Variants in CNTNAP4 observed in about 807,000 individuals in gnomAD.
CNTNAP4 encodes contactin-associated protein-like 4.
CNTNAP4 carries 98 observed loss-of-function variants against 148.4 expected under a neutral mutation model. The observed-to-expected ratio is 0.66, with a 90% CI of 0.56 to 0.78. The LOEUF (loss-of-function observed/expected upper bound fraction) is 0.78. CNTNAP4 is among the 30% of genes least tolerant of loss of function. The pLI, the probability that CNTNAP4 is intolerant of heterozygous loss-of-function variation, is 0.00. For synonymous variants in CNTNAP4, 730 were observed against 565.1 expected (o/e 1.29, Z -4.14); for missense variants, 1,935 against 1,565.6 (o/e 1.24, Z -3.98).
intron 1 of CNTNAP4, among the ~76,000 whole-genome samples, chr16:76,312,827 A>G (rs1961283016): frequency 6.6e-6 from 1 of 152,196 alleles, no homozygotes; most frequent in South Asian, 2.1e-4. Context: ...TTAATATATC[A>G]ACAAGGAGGG....
chr16:76,531,237 T>C (rs2083972594), intron 17 of CNTNAP4, among the ~76,000 whole-genome samples: 1 of 152,204 alleles, frequency 6.6e-6, no homozygotes, highest in Non-Finnish European at 1.5e-5. Context: ...ATTTAAAGTG[T>C]AATCTCAAAG....
chr16:76,544,004 A>T (rs148122838), intron 21 of CNTNAP4, among the ~76,000 whole-genome samples: 2 of 152,194 alleles, frequency 1.3e-5, no homozygotes, highest in Non-Finnish European at 2.9e-5. Context: ...TAGACGTTAC[A>T]TCTGCCCTTA....
intron 3 of CNTNAP4, among the ~76,000 whole-genome samples, chr16:76,389,693 G>A (rs1381499388): frequency 6.6e-6 from 1 of 151,948 alleles, no homozygotes; most frequent in East Asian, 1.9e-4. Context: ...AACTCCCGGT[G>A]CTGAATTCCT....
chr16:76,419,677 T>C (rs549380395), intron 3 of CNTNAP4, among the ~76,000 whole-genome samples: 6 of 152,178 alleles, frequency 3.9e-5, no homozygotes, highest in Admixed American at 2.6e-4. Flanking sequence ...GTGTCATGTG[T>C]ACTAGCTTGT....
intron 17 of CNTNAP4, among the ~76,000 whole-genome samples, chr16:76,525,014 G>T (rs2083655863): frequency 6.6e-6 from 1 of 151,914 alleles, no homozygotes; most frequent in Non-Finnish European, 1.5e-5. Flanking sequence ...GAAAATTACT[G>T]GCTGTCAAAA....
intron 20 of CNTNAP4, 92 bp downstream of exon 20, chr16:76,539,944 A>G (rs962798670): frequency 3.4e-6 from 3 of 893,542 alleles, no homozygotes; most frequent in Non-Finnish European, 5.0e-6. Context: ...CACAATAAGC[A>G]GAGACACTTT....
intron 15 of CNTNAP4, among the ~76,000 whole-genome samples, chr16:76,506,783 T>A (rs1053796457): frequency 4.2e-5 from 4 of 95,602 alleles, no homozygotes; most frequent in African/African-American, 1.0e-4. Flanking sequence ...GTATGAGAAT[T>A]GCTAACAGGC....
chr16:76,501,105 T>C (rs1269504123), intron 15 of CNTNAP4, among the ~76,000 whole-genome samples: 2 of 152,226 alleles, frequency 1.3e-5, no homozygotes, highest in African/African-American at 4.8e-5. Context: ...AAATACTGTT[T>C]ACCATTATAC....
chr16:76,289,851 A>T (rs1285751694), intron 1 of CNTNAP4, among the ~76,000 whole-genome samples: 1 of 152,136 alleles, frequency 6.6e-6, no homozygotes, highest in Admixed American at 6.6e-5. Flanking sequence ...GATTACAGGC[A>T]TGAACCACCG....
rs765839299 is a variant in CNTNAP4, at chr16:76,522,205, C to G, written c.2703C>G (p.Pro901=). The change falls in exon 17 of 24, where the codon CCC becomes CCG. Residue 901 remains proline (P), a synonymous_variant. Coordinates refer to ENST00000611870, the MANE Select transcript of CNTNAP4 (RefSeq NM_033401.5). ...ATCAGCTGACACCAAAGACACAGCC[C>G]GCCCCCGCTGATGGGCATGTCCTGT... The part of the protein sequence containing the change: ...QVDQLTPKTQ[P]APADGHVLLQ... 1.1e-5 allele frequency: 17 copies of G among 1,613,910 alleles called. No individual in the cohort carries two copies. The South Asian group carries it at 1.5e-4, about 15-fold the overall frequency.
chr16:76,462,293 G>A (rs1296713762), intron 9 of CNTNAP4, among the ~76,000 whole-genome samples, 188 bp downstream of exon 9: 3 of 152,098 alleles, frequency 2.0e-5, no homozygotes, highest in African/African-American at 7.2e-5. Flanking sequence ...TCTGCAAGGT[G>A]GACTTACTTC....
At chr16:76,342,964 G>T (rs1236946516) in intron 2 of CNTNAP4, among the ~76,000 whole-genome samples, 1 of 152,136 alleles carries the variant, frequency 6.6e-6, no homozygotes, top group Non-Finnish European at 1.5e-5. Flanking sequence ...TGTGCATTGA[G>T]CTGCTTCTGC....
At position 76,384,331 on chromosome 16, in the gene CNTNAP4, C is replaced by T. The variant is rs77651661; in HGVS notation, c.390+28820C>T. On this transcript the variant is annotated intron_variant, in intron 3 of 23. Transcript: ENST00000611870. ...TGCTGGGATTACAGGCTTGAGCCAC[C>T]GCGCCCAGCCAAGTTCCCAGTCTTA... is the stretch of plus-strand genomic sequence containing the variant. Among the ~76,000 whole-genome samples the T allele has an allele frequency of 9.5e-3, 1,449 of 152,104 alleles. 60 individuals are homozygous for T. Among genetic ancestry groups the T allele is most frequent in the East Asian group, 0.08 (411 of 5,168 alleles).
At chr16:76,306,963 G>A (rs1210832150) in intron 1 of CNTNAP4, among the ~76,000 whole-genome samples, 1 of 152,100 alleles carries the variant, frequency 6.6e-6, no homozygotes, top group Non-Finnish European at 1.5e-5. Flanking sequence ...TTTGAGGACT[G>A]GCCTCTCTGA....
intron 1 of CNTNAP4, among the ~76,000 whole-genome samples, chr16:76,289,205 A>G (rs1480462663): frequency 3.3e-5 from 5 of 152,142 alleles, no homozygotes; most frequent in African/African-American, 1.2e-4. Context: ...GCTACTTCCA[A>G]TCCATCCTCA....
At chr16:76,550,937 TG>T (rs2084929016) in intron 21 of CNTNAP4, among the ~76,000 whole-genome samples, 1 of 152,086 alleles carries the variant, frequency 6.6e-6, no homozygotes, top group Non-Finnish European at 1.5e-5. Context: ...AAGAGCAAGG[TG>T]GGTCAGAACA....
chr16:76,425,894 A>T (rs1047210955), intron 3 of CNTNAP4, among the ~76,000 whole-genome samples: 8 of 152,152 alleles, frequency 5.3e-5, no homozygotes, highest in Non-Finnish European at 4.4e-5. Context: ...AGTTTAATTT[A>T]CCTCTACAAG....
intron 3 of CNTNAP4, among the ~76,000 whole-genome samples, chr16:76,381,234 AGCAGCTCTT>A (rs1175159645): frequency 5.9e-5 from 9 of 152,198 alleles, no homozygotes; most frequent in Non-Finnish European, 1.0e-4. Flanking sequence ...TCCAAACCTC[AGCAGCTCTT>A]GCAGCTCTTG....
At chr16:76,535,247 C>T (rs573011465) in intron 17 of CNTNAP4, among the ~76,000 whole-genome samples, 29 of 152,188 alleles carry the variant, frequency 1.9e-4, no homozygotes, top group East Asian at 1.9e-4. Context: ...ATTAAAATAA[C>T]GATACATGTC....
Sources: gnomAD v4.1 joint callset for allele counts (sites outside exome capture counted in the v4.1 genomes callset) on GRCh38, gnomAD v4.1.1 for gene constraint, MANE v1.5 for transcripts, NCBI Gene and HGNC (gene_info 2026-07-23, HGNC 2026-07-21) for gene names.